Variants in SAMMSON observed in about 807,000 individuals in gnomAD.
SAMMSON encodes long intergenic non-protein coding RNA 1212.
intron 9 of SAMMSON, among the ~76,000 whole-genome samples, chr3:70,359,585 A>G (rs1326172591): frequency 6.6e-6 from 1 of 152,144 alleles, no homozygotes; most frequent in Non-Finnish European, 1.5e-5. Flanking sequence ...ACCTTATTAA[A>G]ATTGTATCAC....
chr3:70,219,475 G>T lies in SAMMSON; in HGVS notation n.508-29632G>T, dbSNP rs576263978. Among the ~76,000 whole-genome samples, 16 of 152,202 alleles carry T rather than the reference G, an allele frequency of 1.1e-4. 1 individual carries two copies. The South Asian group carries it at 2.1e-3, about 20-fold the overall frequency. ...ACCTTAACTGATCCAGAAATAATTT[G>T]TTACCATAAACAGAAGAAATTTTTC... On this transcript the variant is annotated intron_variant and non_coding_transcript_variant, in intron 4 of 9. Transcript: ENST00000642114.
chr3:70,251,985 T>C (rs1365536567), intron 6 of SAMMSON, among the ~76,000 whole-genome samples: 1 of 152,196 alleles, frequency 6.6e-6, no homozygotes, highest in East Asian at 1.9e-4. Context: ...AAAACACGTG[T>C]TAAGGAACTA....
At position 70,218,199 on chromosome 3, in the gene SAMMSON, C is replaced by G. The variant is rs150533229; in HGVS notation, n.508-30908C>G. Among the ~76,000 whole-genome samples the G allele has an allele frequency of 1.4e-4, 22 of 152,228 alleles. No homozygotes were observed. In the East Asian group the frequency reaches 4.1e-3, roughly 28 times the overall value. ...ATGTATACCTGGAGGAGGTGCAAAC[C>G]TATGCAATGGGGTTAAAACACTTAT... On this transcript the variant is annotated intron_variant and non_coding_transcript_variant, in intron 4 of 9. Transcript: ENST00000642114.
At chr3:70,125,768 TTC>T (rs2067455470) in intron 4 of SAMMSON, 13 of 655,448 alleles carry the variant, frequency 2.0e-5, no homozygotes, top group Non-Finnish European at 3.5e-5. Context: ...TCCTTTATTT[TTC>T]TCTTTTTTCT....
At chr3:70,344,541 C>G (rs933778291) in intron 7 of SAMMSON, among the ~76,000 whole-genome samples, 3 of 152,286 alleles carry the variant, frequency 2.0e-5, no homozygotes, top group Admixed American at 1.3e-4. Context: ...CAGACAAGGA[C>G]CTGGGTATGA....
At chr3:70,387,973 T>G (rs1441415968) in intron 9 of SAMMSON, among the ~76,000 whole-genome samples, 4 of 151,876 alleles carry the variant, frequency 2.6e-5, no homozygotes, top group Admixed American at 6.6e-5. Flanking sequence ...AGCCTATTTT[T>G]TTTGGTTTGT....
intron 1 of SAMMSON, among the ~76,000 whole-genome samples, chr3:70,002,300 G>A (rs1183324680): frequency 6.6e-6 from 1 of 151,984 alleles, no homozygotes; most frequent in African/African-American, 2.4e-5. Flanking sequence ...AGCGTTGAAG[G>A]CCCCCATATA....
At chr3:70,147,696 T>C (rs2067555109) in intron 4 of SAMMSON, among the ~76,000 whole-genome samples, 1 of 152,010 alleles carries the variant, frequency 6.6e-6, no homozygotes, top group South Asian at 2.1e-4. Flanking sequence ...ATAAATCTTT[T>C]AGAAGAAAAC....
chr3:70,189,804 C>G (rs1701118017), intron 4 of SAMMSON, among the ~76,000 whole-genome samples: 2 of 74,566 alleles, frequency 2.7e-5, no homozygotes, highest in South Asian at 5.6e-4. Flanking sequence ...ATTGGTCCTG[C>G]ACCGTAGGCA....
intron 7 of SAMMSON, among the ~76,000 whole-genome samples, chr3:70,310,629 G>A (rs947228366): frequency 2.6e-5 from 4 of 152,050 alleles, no homozygotes; most frequent in African/African-American, 7.2e-5. Context: ...GCCTCCCAAA[G>A]TGCTGGGATT....
chr3:70,311,844 A>C (rs1032771024), intron 7 of SAMMSON: 2 of 397,138 alleles, frequency 5.0e-6, no homozygotes, highest in Admixed American at 4.4e-5. Flanking sequence ...AACAAAAGCA[A>C]AATTTTCACA....
chr3:70,373,234 A>G (rs1286304648), intron 9 of SAMMSON, among the ~76,000 whole-genome samples: 1 of 152,078 alleles, frequency 6.6e-6, no homozygotes, highest in Non-Finnish European at 1.5e-5. Flanking sequence ...TTCATTTCCA[A>G]AAGATATTTT....
chr3:70,274,441 G>C (rs930734736), intron 6 of SAMMSON, among the ~76,000 whole-genome samples: 1 of 152,134 alleles, frequency 6.6e-6, no homozygotes, highest in Non-Finnish European at 1.5e-5. Flanking sequence ...CATCAACTCA[G>C]TGTTACAAGA....
chr3:70,409,612 C>CTCTCCCA (rs1701202643), intron 2 of SAMMSON, among the ~76,000 whole-genome samples: 1 of 152,062 alleles, frequency 6.6e-6, no homozygotes, highest in African/African-American at 2.4e-5. Context: ...GCTTGGTTTC[C>CTCTCCCA]TCTTCTGTAA....
chr3:70,037,274 A>T (rs575685974), intron 3 of SAMMSON, among the ~76,000 whole-genome samples: 31 of 152,172 alleles, frequency 2.0e-4, no homozygotes, highest in African/African-American at 7.0e-4. Flanking sequence ...TCTGGCTTCA[A>T]CAATTAGCCT....
At chr3:70,325,552 A>C (rs951392540) in intron 7 of SAMMSON, among the ~76,000 whole-genome samples, 3 of 152,206 alleles carry the variant, frequency 2.0e-5, no homozygotes, top group Non-Finnish European at 2.9e-5. Context: ...TTATTAGAAC[A>C]GTAATGTAGT....
chr3:70,035,586 G>A (rs1043610602), intron 3 of SAMMSON, among the ~76,000 whole-genome samples: 7 of 152,172 alleles, frequency 4.6e-5, no homozygotes, highest in African/African-American at 1.7e-4. Flanking sequence ...AAAGTGACCT[G>A]TTAGTCCCTA....
chr3:70,008,902 G>A (rs142297695), intron 1 of SAMMSON, among the ~76,000 whole-genome samples: 45,009 of 151,972 alleles, frequency 0.3, 7,070 homozygotes, highest in East Asian at 0.56. Context: ...ATAATCATAC[G>A]GTTTTTGTCT....
At chr3:70,314,363 G>T (rs1184647584) in intron 7 of SAMMSON, among the ~76,000 whole-genome samples, 2 of 152,062 alleles carry the variant, frequency 1.3e-5, no homozygotes, top group Non-Finnish European at 2.9e-5. Context: ...CCCTTAATTT[G>T]TCTCTTTTCT....
Sources: allele counts gnomAD v4.1 joint callset (sites outside exome capture counted in the v4.1 genomes callset), GRCh38; gene constraint gnomAD v4.1.1; transcripts MANE v1.5; gene names NCBI Gene and HGNC (gene_info 2026-07-23, HGNC 2026-07-21).